The following DRAM1 variants were observed in gnomAD, a reference collection of about 807,000 sequenced individuals.
DRAM1 encodes the protein DNA damage regulated autophagy modulator 1, also known as DNA damage-regulated autophagy modulator protein 1.
DRAM1 carries 25 observed loss-of-function variants against 28.5 expected under a neutral mutation model. That is an observed-to-expected ratio of 0.88 (90% CI 0.64 to 1.23). The LOEUF is 1.23. DRAM1 is among the 50% of genes most tolerant of loss of function. The pLI is 0.00. For synonymous variants in DRAM1, 113 were observed against 114.2 expected, an observed-to-expected ratio of 0.99 and a Z score of 0.07; for missense variants, 249 against 299.2, an observed-to-expected ratio of 0.83 and a Z score of 1.24.
chr12:101,909,157 A>G (rs1873940763), intron 4 of DRAM1, among the ~76,000 whole-genome samples: 1 of 151,936 alleles, frequency 6.6e-6, no homozygotes, highest in Non-Finnish European at 1.5e-5. Context: ...GCTACTTGGG[A>G]GGCTGAGGCA....
At chr12:101,913,096 T>C (rs1874104559) in intron 4 of DRAM1, among the ~76,000 whole-genome samples, 1 of 152,182 alleles carries the variant, frequency 6.6e-6, no homozygotes, top group Non-Finnish European at 1.5e-5. Context: ...CTTTCTTTTT[T>C]GCATTCTAAG....
chr12:101,922,530 C>T lies in DRAM1; in HGVS notation c.*1270C>T, dbSNP rs1279769432. 28 of 121,180 alleles carry T rather than the reference C, an allele frequency of 2.3e-4. No homozygotes were observed. Among genetic ancestry groups the T allele is most frequent in the Admixed American group, 2.1e-3 (25 of 11,950 alleles). The allele number at this position is 121,180 out of a possible 1,614,324, so 7.5% of individuals were successfully genotyped here. On this transcript the variant is annotated 3_prime_UTR_variant, in exon 7 of 7. Coordinates refer to ENST00000258534, the MANE Select transcript of DRAM1 (RefSeq NM_018370.3). ...TGGGGGTGTAGGGAGTTCGGGGTAGCTCCTCATTAACTATTTGTTGGGTGA... is the reference window on the plus strand; with the variant it reads ...TGGGGGTGTAGGGAGTTCGGGGTAGTTCCTCATTAACTATTTGTTGGGTGA...
intron 1 of DRAM1, among the ~76,000 whole-genome samples, chr12:101,894,082 C>T (rs535254817): frequency 1.3e-5 from 2 of 151,844 alleles, no homozygotes; most frequent in South Asian, 2.1e-4. Flanking sequence ...AGGTAGGTGC[C>T]GCCATGCCTG....
chr12:101,906,428 G>T (rs1873811338), intron 3 of DRAM1, among the ~76,000 whole-genome samples: 1 of 152,122 alleles, frequency 6.6e-6, no homozygotes. Context: ...GGTGGCCTGT[G>T]GCCAAAACCA....
At position 101,890,233 on chromosome 12, in the gene DRAM1, C is replaced by G. The variant is rs565019301; in HGVS notation, c.132-7630C>G. The G allele has an allele frequency of 8.1e-4, 267 of 329,564 alleles. 1 individual carries two copies. The highest frequency in any genetic ancestry group is 8.6e-4 in the Non-Finnish European group (147 of 170,008). The allele number at this position is 329,564 out of a possible 1,614,324, so 20.4% of individuals were successfully genotyped here. A position where few individuals can be genotyped will look rare whatever the true frequency, so the allele number is the denominator to read the frequency against. ...AGCTGGGATTACAGGTATGTGCCAC[C>G]ACGCCTGGCTAATTTTTGTATTTTT... On this transcript the variant is annotated intron_variant, in intron 1 of 6. Transcript: ENST00000258534.
At chr12:101,909,122 A>G (rs756218678) in intron 4 of DRAM1, among the ~76,000 whole-genome samples, 3 of 152,084 alleles carry the variant, frequency 2.0e-5, no homozygotes, top group East Asian at 3.9e-4. Context: ...TTAGTCAGGC[A>G]TAGTGGCACA....
chr12:101,893,164 A>G (rs1873203018), intron 1 of DRAM1, among the ~76,000 whole-genome samples: 1 of 152,214 alleles, frequency 6.6e-6, no homozygotes, highest in Non-Finnish European at 1.5e-5. Flanking sequence ...TCTGGTCTAC[A>G]ACAAAGGCAT....
At chr12:101,906,504 C>T (rs748726111) in intron 3 of DRAM1, among the ~76,000 whole-genome samples, 4 of 152,158 alleles carry the variant, frequency 2.6e-5, no homozygotes, top group African/African-American at 4.8e-5. Context: ...TAAGTCAAGA[C>T]CCAGTGGTTC....
chr12:101,889,074 A>G (rs915962474), intron 1 of DRAM1, among the ~76,000 whole-genome samples: 1 of 152,048 alleles, frequency 6.6e-6, no homozygotes, highest in Non-Finnish European at 1.5e-5. Context: ...TAATGCTGGG[A>G]TTACAAGTGT....
At chr12:101,893,271 A>G (rs1042541695) in intron 1 of DRAM1, among the ~76,000 whole-genome samples, 2 of 151,700 alleles carry the variant, frequency 1.3e-5, no homozygotes, top group Non-Finnish European at 2.9e-5. Context: ...CTCTCTTCCA[A>G]CTCCACGTTC....
At chr12:101,889,520 G>GAAGGAAGGAAGGA (rs201766672) in intron 1 of DRAM1, among the ~76,000 whole-genome samples, 11,866 of 149,664 alleles carry the variant, frequency 0.079, 708 homozygotes, top group Middle Eastern at 0.17. Flanking sequence ...GGAAGGAAAG[G>GAAGGAAGGAAGGA]AAGGAAGGAA....
intron 1 of DRAM1, among the ~76,000 whole-genome samples, chr12:101,896,131 A>G (rs1566124340): frequency 6.6e-6 from 1 of 152,132 alleles, no homozygotes; most frequent in Admixed American, 6.6e-5. Context: ...CAGGTGATCC[A>G]CCTGCCTCGA....
chr12:101,918,423 T>TA (rs1874339015), intron 5 of DRAM1, among the ~76,000 whole-genome samples: 1 of 152,212 alleles, frequency 6.6e-6, no homozygotes, highest in Non-Finnish European at 1.5e-5. Context: ...CTGGTACTGG[T>TA]ACCAGAAGGA....
chr12:101,880,063 T>G (rs1260660415), intron 1 of DRAM1, among the ~76,000 whole-genome samples: 2 of 151,846 alleles, frequency 1.3e-5, no homozygotes, highest in Non-Finnish European at 2.9e-5. Context: ...TTGTTTGTTT[T>G]TTCAGACAAA....
intron 1 of DRAM1, among the ~76,000 whole-genome samples, chr12:101,890,537 G>A (rs889870069): frequency 4.2e-5 from 1 of 23,944 alleles, no homozygotes; most frequent in Non-Finnish European, 6.3e-5. Flanking sequence ...GCTTCCTTAC[G>A]GTCTCCCTGG....
At chr12:101,883,593 C>T (rs1439405299) in intron 1 of DRAM1, among the ~76,000 whole-genome samples, 1 of 149,030 alleles carries the variant, frequency 6.7e-6, no homozygotes, top group Non-Finnish European at 1.5e-5. Context: ...GGATTACAGG[C>T]GTGAGCCACT....
chr12:101,885,088 C>T (rs1872837994), intron 1 of DRAM1, among the ~76,000 whole-genome samples: 2 of 152,140 alleles, frequency 1.3e-5, no homozygotes, highest in South Asian at 4.1e-4. Flanking sequence ...CATGTGCCAC[C>T]ACGCCCGGCT....
At position 101,884,369 on chromosome 12, in the gene DRAM1, CAAAAAAAAAA is replaced by C. The variant is rs777858309; in HGVS notation, c.131+6462_131+6471del. Among the ~76,000 whole-genome samples the C allele has an allele frequency of 6.4e-5, 5 of 78,052 alleles. No individual in the cohort carries two copies. In the South Asian group the frequency reaches 2.6e-3, roughly 40 times the overall value. 51.2% of individuals were successfully genotyped at this position (78,052 alleles called of 152,430 possible). ...TGGGTGACAGAGTGATACCCTGTCT[CAAAAAAAAAA>C]AAAAAAAAAAAAGATTTGCACACGG... On this transcript the variant is annotated intron_variant, in intron 1 of 6. Transcript: ENST00000258534.
intron 3 of DRAM1, among the ~76,000 whole-genome samples, chr12:101,902,807 T>G (rs753589846): frequency 9.2e-5 from 14 of 152,348 alleles, no homozygotes; most frequent in Non-Finnish European, 1.9e-4. Flanking sequence ...CTTTACAACT[T>G]CCTTGTTTGG....
Sources: gnomAD v4.1 joint callset for allele counts (sites outside exome capture counted in the v4.1 genomes callset) on GRCh38, gnomAD v4.1.1 for gene constraint, MANE v1.5 for transcripts, NCBI Gene and HGNC (gene_info 2026-07-23, HGNC 2026-07-21) for gene names.